The following ITPR3 variants were observed in gnomAD, a reference collection of about 807,000 sequenced individuals.
The protein encoded by ITPR3 is inositol 1,4,5-trisphosphate receptor type 3, also known as inositol 1,4,5-trisphosphate-gated calcium channel ITPR3.
A neutral mutation model predicts 293.2 loss-of-function variants in ITPR3; 173 were observed. That is an observed-to-expected ratio of 0.59 (90% CI 0.52 to 0.67). The LOEUF is 0.67. Among genes scored for constraint, ITPR3 ranks in the 30% least tolerant of loss-of-function variants. The pLI is 0.00. For missense variants in ITPR3, 2,796 were observed against 3,592.1 expected, an observed-to-expected ratio of 0.78 and a Z score of 5.66; for synonymous variants, 1,295 against 1,444.4, an observed-to-expected ratio of 0.90 and a Z score of 2.35.
Position 33,695,951 on chromosome 6 carries a change from C to A in ITPR3, c.*171C>A. On this transcript the variant is annotated 3_prime_UTR_variant, in exon 58 of 58. Transcript: ENST00000605930. ...GGCTTTGAAGAGCATGGAGGGGGAG[C>A]CTCAGAGCTGACAGTCCTGCTTAGA... is the stretch of plus-strand genomic sequence containing the variant. The A allele has an allele frequency of 1.6e-6, 1 of 623,446 alleles. No homozygotes were observed. The highest frequency in any genetic ancestry group is 2.8e-6 in the Non-Finnish European group (1 of 350,912). 38.6% of individuals were successfully genotyped at this position (623,446 alleles called of 1,614,324 possible). A position where few individuals can be genotyped will look rare whatever the true frequency, so the allele number is the denominator to read the frequency against.
chr6:33,666,082 G>T lies in ITPR3; in HGVS notation c.1551+106G>T. 1 of 1,342,566 alleles carries T rather than the reference G, an allele frequency of 7.4e-7. No individual in the cohort carries two copies. The highest frequency in any genetic ancestry group is 1.0e-6 in the Non-Finnish European group (1 of 992,256). 83.2% of individuals were successfully genotyped at this position (1,342,566 alleles called of 1,614,324 possible). Reference sequence around the variant, plus strand: ...CTTTAACAAAAATCAGTATATATGGGGCACGACCACGTGCCAGGGACTTCC... The same window carrying T: ...CTTTAACAAAAATCAGTATATATGGTGCACGACCACGTGCCAGGGACTTCC... On this transcript the variant is annotated intron_variant, in intron 14 of 57. Coordinates refer to ENST00000605930, the MANE Select transcript of ITPR3 (RefSeq NM_002224.4). The surrounding 1 kb of genome is among the most constrained non-coding windows in gnomAD (Gnocchi z 5.1).
intron 33 of ITPR3, 138 bp downstream of exon 33, chr6:33,680,818 A>ATAT: frequency 4.8e-6 from 4 of 837,640 alleles, no homozygotes; most frequent in African/African-American, 3.9e-5. Flanking sequence ...TGTATTGGTT[A>ATAT]TCTTTTTTTT....
Position 33,677,644 on chromosome 6 carries a change from T to C in ITPR3, c.3648+15T>C. The C allele has an allele frequency of 6.2e-7, 1 of 1,612,334 alleles. No individual in the cohort carries two copies. Among genetic ancestry groups the C allele is most frequent in the Non-Finnish European group, 8.5e-7 (1 of 1,178,858 alleles). On this transcript the variant is annotated intron_variant, in intron 28 of 57. Transcript: ENST00000605930. ...CCTATGACAAGGTGGCTCTGACTTC[T>C]GACCTCTGACTCCCCAGGGTGGCTT... is the stretch of plus-strand genomic sequence containing the variant.
At chr6:33,657,626 C>T (rs766835922) in intron 3 of ITPR3, among the ~76,000 whole-genome samples, 4 of 149,172 alleles carry the variant, frequency 2.7e-5, no homozygotes, top group South Asian at 2.1e-4. Context: ...AAGGGGATTG[C>T]GGGGGATGCT....
Position 33,684,209 on chromosome 6 carries a change from C to T in ITPR3, c.4937+41C>T, listed in dbSNP as rs200898236. 6.0e-4 allele frequency: 964 copies of T among 1,603,302 alleles called. 3 individuals are homozygous for T. Among genetic ancestry groups the T allele is most frequent in the Middle Eastern group, 1.8e-3 (8 of 4,508 alleles). ...GGGCATGGGGGCAGCAGGGGTGCAGCGGCAGGGGACAGAGAAGGGCCCGGT... is the reference window on the plus strand; with the variant it reads ...GGGCATGGGGGCAGCAGGGGTGCAGTGGCAGGGGACAGAGAAGGGCCCGGT... On this transcript the variant is annotated intron_variant, in intron 36 of 57. Transcript: ENST00000605930. This position sits in a 1 kb window ranked among gnomAD's most constrained non-coding sequence, Gnocchi z 4.2.
chr6:33,652,711 G>A (rs1019599572), intron 2 of ITPR3, among the ~76,000 whole-genome samples: 2 of 151,974 alleles, frequency 1.3e-5, no homozygotes, highest in African/African-American at 2.4e-5. Context: ...TGATCTGCCC[G>A]CCTTGGCCTC....
rs754063146 is a variant in ITPR3, at chr6:33,685,839, G to A, written c.5667+12G>A. 34 of 1,556,116 alleles carry A rather than the reference G, an allele frequency of 2.2e-5. No homozygotes were observed. The highest frequency in any genetic ancestry group is 3.6e-5 in the South Asian group (3 of 82,550). ...ACCGGGACCTGCAGGTGAGTGCCTC[G>A]CCACACACCTGCCCCTTCCCCCGCT... On this transcript the variant is annotated intron_variant, in intron 41 of 57. Transcript: ENST00000605930.
At chr6:33,668,124 C>G (rs907083212) in intron 16 of ITPR3, among the ~76,000 whole-genome samples, 160 bp downstream of exon 16, 1 of 152,326 alleles carries the variant, frequency 6.6e-6, no homozygotes, top group South Asian at 2.1e-4. Flanking sequence ...GCCTCCCTAG[C>G]CCTTCTCTGG....
chr6:33,651,485 G>A lies in ITPR3; in HGVS notation c.161-4281G>A, dbSNP rs571991488. Among the ~76,000 whole-genome samples, 8 of 152,182 alleles carry A rather than the reference G, an allele frequency of 5.3e-5. No individual in the cohort carries two copies. The East Asian group carries it at 1.5e-3, about 29-fold the overall frequency. On this transcript the variant is annotated intron_variant, in intron 2 of 57. Coordinates refer to ENST00000605930, the MANE Select transcript of ITPR3 (RefSeq NM_002224.4). ...CCTGACATGAGCTGTTCTACTGTGG[G>A]CTCAGCCCTTGTCTGAGACTGTATC...
At position 33,685,487 on chromosome 6, in the gene ITPR3, C is replaced by T. The variant is rs753639375; in HGVS notation, c.5436C>T (p.Gly1812=). The T allele has an allele frequency of 6.2e-7, 1 of 1,613,382 alleles. No homozygotes were observed. The highest frequency in any genetic ancestry group is 1.3e-5 in the African/African-American group (1 of 75,038). The change falls in exon 40 of 58, where the codon GGC becomes GGT. Residue 1812 remains glycine (G), a synonymous_variant. Coordinates refer to ENST00000605930, the MANE Select transcript of ITPR3 (RefSeq NM_002224.4). ...TGGCAGTCAACATGAATGACCTGGG[C>T]AGCCAGCCACATGAGGACCGCGAGC... ...STVAVNMNDL[G]SQPHEDREPV... is the part of the protein sequence containing the mutation.
chr6:33,676,320 C>T (rs1273212571), intron 25 of ITPR3, among the ~76,000 whole-genome samples: 1 of 152,250 alleles, frequency 6.6e-6, no homozygotes, highest in Admixed American at 6.5e-5. Context: ...ACTACTCTCC[C>T]TCCCATTCCA....
intron 1 of ITPR3, among the ~76,000 whole-genome samples, chr6:33,629,728 C>T (rs1359584784): frequency 1.3e-5 from 2 of 151,828 alleles, no homozygotes; most frequent in Admixed American, 6.5e-5. Context: ...GATCTGCCCG[C>T]CTCAGCCTCC....
In ITPR3 at chr6:33,692,736, C is replaced by G; in HGVS notation, c.7467C>G (p.Leu2489=). The change falls in exon 55 of 58, where the codon CTC becomes CTG. Residue 2489 remains leucine (L), a synonymous_variant. Coordinates refer to ENST00000605930, the MANE Select transcript of ITPR3 (RefSeq NM_002224.4). The surrounding 1 kb of genome is among the most constrained non-coding windows in gnomAD (Gnocchi z 4.2). ...TGCCTCATCCCCTGCAGGAGTCTCTCTTCCCAGCCCGAGTGGTCTATGACC... is the reference window on the plus strand; with the variant it reads ...TGCCTCATCCCCTGCAGGAGTCTCTGTTCCCAGCCCGAGTGGTCTATGACC... ...ILRKPSKDES[L]FPARVVYDLL... 6.2e-7 allele frequency: 1 copy of G among 1,614,084 alleles called. No homozygotes were observed. The highest frequency in any genetic ancestry group is 8.5e-7 in the Non-Finnish European group (1 of 1,179,982).
chr6:33,653,989 C>G (rs1270193229), intron 2 of ITPR3, among the ~76,000 whole-genome samples: 2 of 152,140 alleles, frequency 1.3e-5, no homozygotes, highest in African/African-American at 4.8e-5. Flanking sequence ...CACTCTCTGC[C>G]GGGCGTGGTG....
chr6:33,635,537 C>G (rs969702147), intron 1 of ITPR3, among the ~76,000 whole-genome samples: 6 of 152,158 alleles, frequency 3.9e-5, no homozygotes, highest in Non-Finnish European at 8.8e-5. Flanking sequence ...TCCATGGGGT[C>G]AGGCTAAGGG....
intron 1 of ITPR3, among the ~76,000 whole-genome samples, chr6:33,639,365 T>G: frequency 1.6e-5 from 2 of 126,254 alleles, no homozygotes; most frequent in East Asian, 2.2e-4. Flanking sequence ...GTCGACAGAG[T>G]GAAACTCTGT....
rs769565196 is a variant in ITPR3 at position 33,689,339 on chromosome 6, G to A, written c.6796G>A (p.Val2266Met). 6.8e-6 allele frequency: 11 copies of A among 1,612,516 alleles called. No homozygotes were observed. The highest frequency in any genetic ancestry group is 3.3e-5 in the South Asian group (3 of 91,090). Residue 2266 changes from valine to methionine, a missense_variant, in exon 50 of 58, where the codon GTG (valine) becomes ATG (methionine). This residue lies in a region of ITPR3 where 568 missense variants were observed against 796.1 expected (regional missense o/e 0.71). Transcript: ENST00000605930. ...GCGCTACAGCATCCGCCCCCTCATC[G>A]TGGCGCTCATCCTGCGCTCCATCTA... Reference protein sequence around the residue: ...TKRYSIRPLIVALILRSIYYL... With the variant: ...TKRYSIRPLIMALILRSIYYL...
At chr6:33,660,612 C>T (rs938866645) in intron 7 of ITPR3, among the ~76,000 whole-genome samples, 19 of 152,136 alleles carry the variant, frequency 1.2e-4, no homozygotes, top group African/African-American at 4.3e-4. Context: ...GTTCCAGCCC[C>T]GAATCTGTGC....
chr6:33,642,527 A>G (rs1439605875), intron 2 of ITPR3, among the ~76,000 whole-genome samples: 3 of 152,146 alleles, frequency 2.0e-5, no homozygotes, highest in African/African-American at 7.2e-5. Context: ...GGCTGGTGAC[A>G]GGGAGGTGGG....
Sources: allele counts gnomAD v4.1 joint callset (sites outside exome capture counted in the v4.1 genomes callset), GRCh38; gene constraint gnomAD v4.1.1; regional missense constraint gnomAD v4.1.1; non-coding constraint Gnocchi (gnomAD v3.1); transcripts MANE v1.5; gene names NCBI Gene and HGNC (gene_info 2026-07-23, HGNC 2026-07-21).